Variants in COCH observed in about 807,000 individuals in gnomAD.
COCH encodes cochlin, also known as coagulation factor C homolog, cochlin (Limulus polyphemus).
COCH carries 40 observed loss-of-function variants against 54.8 expected under a neutral mutation model. The ratio of observed to expected loss-of-function variants is 0.73; its 90% CI spans 0.57 to 0.95. COCH has a LOEUF of 0.95. COCH is among the 40% of genes least tolerant of loss of function. The pLI, the probability that COCH is intolerant of heterozygous loss-of-function variation, is 0.00. For missense variants in COCH, 605 were observed against 675.0 expected, an observed-to-expected ratio of 0.90 and a Z score of 1.15; for synonymous variants, 256 against 237.9, an observed-to-expected ratio of 1.08 and a Z score of -0.70.
At position 30,890,529 on chromosome 14, in the gene COCH, C is replaced by T; in HGVS notation, c.*738C>T. The T allele has an allele frequency of 1.1e-6, 1 of 939,482 alleles. No homozygotes were observed. The highest frequency in any genetic ancestry group is 1.3e-6 in the Non-Finnish European group (1 of 788,002). 58.2% of individuals were successfully genotyped at this position (939,482 alleles called of 1,614,324 possible). ...AAAGTATTTACTGACTGCTTATAAA[C>T]ATTTAAAGACAAAGACATTTCAAAT... On this transcript the variant is annotated 3_prime_UTR_variant, in exon 12 of 12. Coordinates refer to ENST00000396618, the MANE Select transcript of COCH (RefSeq NM_004086.3).
At position 30,877,465 on chromosome 14, in the gene COCH, G is replaced by A. The variant is rs943633883; in HGVS notation, c.83-107G>A. On this transcript the variant is annotated intron_variant, in intron 3 of 11. Transcript: ENST00000396618. This position sits in a 1 kb window ranked among gnomAD's most constrained non-coding sequence, Gnocchi z 8.6. The stretch of plus-strand genomic sequence containing the variant: ...TATAAGTCAATAGTCATAACTAGAA[G>A]TGTAGAAATTAGGGAAGTAAAACTT... 2.9e-6 allele frequency: 4 copies of A among 1,365,238 alleles called. No individual in the cohort carries two copies. The African/African-American group carries it at 4.3e-5, about 15-fold the overall frequency. 84.6% of individuals were successfully genotyped at this position (1,365,238 alleles called of 1,614,324 possible). A position where few individuals can be genotyped will look rare whatever the true frequency, so the allele number is the denominator to read the frequency against.
chr14:30,885,692 C>T (rs1895763897), intron 10 of COCH, 72 bp downstream of exon 10: 4 of 1,495,780 alleles, frequency 2.7e-6, no homozygotes, highest in Non-Finnish European at 3.7e-6. Flanking sequence ...GCAGTGCTGA[C>T]TGCCTCTTAT....
intron 11 of COCH, among the ~76,000 whole-genome samples, chr14:30,887,978 C>A (rs1895848330): frequency 6.6e-6 from 1 of 152,150 alleles, no homozygotes; most frequent in Non-Finnish European, 1.5e-5. Flanking sequence ...GGCTGGACTA[C>A]ACCAATATTG....
At position 30,879,446 on chromosome 14, in the gene COCH, GCCACAGGAC is replaced by G; in HGVS notation, c.398_406del (p.Ala133_Gln136delinsGlu). ...AGAAGGCAAAAGTAGTACACAGGAG[GCCACAGGAC>G]AAGCAGTGTCCACAGCACATCCACC... On this transcript the variant is annotated inframe_deletion, in exon 6 of 12. Coordinates refer to ENST00000396618, the MANE Select transcript of COCH (RefSeq NM_004086.3). 1 of 1,614,010 alleles carries G rather than the reference GCCACAGGAC, an allele frequency of 6.2e-7. No individual in the cohort carries two copies.
At position 30,885,975 on chromosome 14, in the gene COCH, T is replaced by C. The variant is rs577912568; in HGVS notation, c.1140T>C (p.Asp380=). The change falls in exon 11 of 12, where the codon GAT becomes GAC. Residue 380 remains aspartate (D), a synonymous_variant. Transcript: ENST00000396618. ...TTGATGGCTCCAGCAGTGTTGGAGA[T>C]AGCAATTTCCGCCTCATGCTTGAAT... ...FLIDGSSSVG[D]SNFRLMLEFV... is the part of the protein sequence containing the mutation. 3 of 1,614,208 alleles carry C rather than the reference T, an allele frequency of 1.9e-6. No individual in the cohort carries two copies. Among genetic ancestry groups the C allele is most frequent in the Non-Finnish European group, 2.5e-6 (3 of 1,180,032 alleles).
In COCH at chr14:30,889,769, A is replaced by G; in HGVS notation, c.1631A>G (p.Asp544Gly). 6.2e-7 allele frequency: 1 copy of G among 1,609,970 alleles called. No individual in the cohort carries two copies. Residue 544 changes from aspartate (D) to glycine (G), a missense_variant, in exon 12 of 12, where the codon GAT (aspartate) becomes GGT (glycine). By Grantham distance (94) the Asp-to-Gly change is moderately conservative. Coordinates refer to ENST00000396618, the MANE Select transcript of COCH (RefSeq NM_004086.3). ...VSDVIRGICR[D>G]FLESQQ ...GATGTCATCAGAGGCATTTGTAGAG[A>G]TTTCTTAGAATCCCAGCAATAATGG... is the stretch of plus-strand genomic sequence containing the variant.
rs369882771 is a variant in COCH, at chr14:30,880,644, G to A, written c.539G>A (p.Arg180Gln). Residue 180 changes from arginine (R) to glutamine (Q), a missense_variant, in exon 8 of 12, where the codon CGA (arginine) becomes CAA (glutamine). Coordinates refer to ENST00000396618, the MANE Select transcript of COCH (RefSeq NM_004086.3). ...GGAAGCTTTAATATTGGGCAGCGCC[G>A]ATTTAATTTACAGAAGAATTTTGTT... is the stretch of plus-strand genomic sequence containing the variant. ...IDGSFNIGQRRFNLQKNFVGK... is the reference protein window; with the variant it reads ...IDGSFNIGQRQFNLQKNFVGK... 95 of 1,614,068 alleles carry A rather than the reference G, an allele frequency of 5.9e-5. No individual in the cohort carries two copies. Among genetic ancestry groups the A allele is most frequent in the Non-Finnish European group, 7.3e-5 (86 of 1,180,020 alleles).
At chr14:30,895,143 C>A, downstream of COCH, 1 of 273,840 alleles carries the variant, frequency 3.7e-6, no homozygotes, top group Admixed American at 5.4e-5. Flanking sequence ...GGCTTAAAGA[C>A]ACCTAAAAAC....
intron 11 of COCH, among the ~76,000 whole-genome samples, chr14:30,886,566 ACT>A (rs1895799034): frequency 6.6e-6 from 1 of 152,126 alleles, no homozygotes; most frequent in South Asian, 2.1e-4. Context: ...ATTCCTAACC[ACT>A]GTATTGTTGG....
chr14:30,895,569 A>C (rs1390057211), downstream of COCH: 1 of 1,613,608 alleles, frequency 6.2e-7, no homozygotes. Flanking sequence ...AATCTGATGG[A>C]ACAGTCATGG....
chr14:30,894,782 T>C (rs930086618), downstream of COCH: 6 of 242,842 alleles, frequency 2.5e-5, no homozygotes, highest in Non-Finnish European at 4.6e-5. Flanking sequence ...AATACAATCT[T>C]GAGCACTGTT....
chr14:30,886,032 C>G lies in COCH; in HGVS notation c.1197C>G (p.Ile399Met). The G allele has an allele frequency of 6.2e-7, 1 of 1,614,236 alleles. No homozygotes were observed. Among genetic ancestry groups the G allele is most frequent in the East Asian group, 2.2e-5 (1 of 44,886 alleles). ...FVSNIAKTFE[I>M]SDIGAKIAAV... ...CCAACATAGCCAAGACTTTTGAAAT[C>G]TCGGACATTGGTGCCAAGATAGCTG... Residue 399 changes from isoleucine (I) to methionine (M), a missense_variant, in exon 11 of 12, where the codon ATC becomes ATG. Ile to Met is a conservative substitution (Grantham distance 10). Transcript: ENST00000396618.
chr14:30,881,272 G>A (rs1321928567), intron 8 of COCH, among the ~76,000 whole-genome samples: 4 of 151,328 alleles, frequency 2.6e-5, no homozygotes, highest in African/African-American at 9.7e-5. Context: ...AGTCTTGAAT[G>A]ATGACAAATG....
chr14:30,877,278 A>C lies in COCH; in HGVS notation c.83-294A>C. 2 of 377,374 alleles carry C rather than the reference A, an allele frequency of 5.3e-6. No individual in the cohort carries two copies. Among genetic ancestry groups the C allele is most frequent in the Non-Finnish European group, 1.0e-5 (2 of 199,452 alleles). The allele number at this position is 377,374 out of a possible 1,614,324, so 23.4% of individuals were successfully genotyped here. A position where few individuals can be genotyped will look rare whatever the true frequency, so the allele number is the denominator to read the frequency against. ...GGAGGTGGATCACTTGAGCTCGGGA[A>C]TTTGAGCCTAGCTTGGGCAACTTGG... On this transcript the variant is annotated intron_variant, in intron 3 of 11. Coordinates refer to ENST00000396618, the MANE Select transcript of COCH (RefSeq NM_004086.3). This position sits in a 1 kb window ranked among gnomAD's most constrained non-coding sequence, Gnocchi z 8.6.
At chr14:30,892,400 G>T (rs74040904), downstream of COCH, among the ~76,000 whole-genome samples, 577 of 152,186 alleles carry the variant, frequency 3.8e-3, 2 homozygotes, top group African/African-American at 0.013. Context: ...CTTTGGAAAA[G>T]CTTATTCTTT....
At position 30,889,616 on chromosome 14, in the gene COCH, G is replaced by T; in HGVS notation, c.1478G>T (p.Gly493Val). 6.2e-7 allele frequency: 1 copy of T among 1,613,490 alleles called. No individual in the cohort carries two copies. Among genetic ancestry groups the T allele is most frequent in the South Asian group, 1.1e-5 (1 of 91,038 alleles). ...QGPAAAAHDAGITIFSVGVAW... is the reference protein window; with the variant it reads ...QGPAAAAHDAVITIFSVGVAW... Reference sequence around the variant, plus strand: ...TCACTTTAAAATGTTTTCATTGTAGGAATCACTATCTTCTCTGTTGGTGTG... The same window carrying T: ...TCACTTTAAAATGTTTTCATTGTAGTAATCACTATCTTCTCTGTTGGTGTG... Residue 493 changes from glycine to valine, a missense_variant and splice_region_variant, in exon 12 of 12, where the codon GGA (glycine) becomes GTA (valine). Transcript: ENST00000396618.
intron 8 of COCH, among the ~76,000 whole-genome samples, chr14:30,881,139 C>G (rs77509594): frequency 0.059 from 8,645 of 147,450 alleles, 473 homozygotes; most frequent in African/African-American, 0.14. Flanking sequence ...CACTTGGACT[C>G]GGGAGGCAGA....
At chr14:30,881,212 CAAAAAAAAAA>C (rs11297000) in intron 8 of COCH, among the ~76,000 whole-genome samples, 2 of 93,442 alleles carry the variant, frequency 2.1e-5, no homozygotes, top group African/African-American at 7.6e-5. Flanking sequence ...GACTATGTCT[CAAAAAAAAAA>C]AAAAAAAAGA....
Position 30,885,626 on chromosome 14 carries a change from G to C in COCH, c.960+6G>C. The C allele has an allele frequency of 1.0e-5, 16 of 1,560,144 alleles. No homozygotes were observed. The highest frequency in any genetic ancestry group is 1.3e-5 in the Non-Finnish European group (15 of 1,130,902). ...ATGTCACATTTGTTGACAAGGTAAA[G>C]TGGTGAGGGTTATCTTCTGTTACAG... On this transcript the variant is annotated splice_donor_region_variant and intron_variant, in intron 10 of 11. Transcript: ENST00000396618.
Sources: allele counts gnomAD v4.1 joint callset (sites outside exome capture counted in the v4.1 genomes callset), GRCh38; gene constraint gnomAD v4.1.1; non-coding constraint Gnocchi (gnomAD v3.1); transcripts MANE v1.5; gene names NCBI Gene and HGNC (gene_info 2026-07-23, HGNC 2026-07-21).